The following MAST2 variants were observed in gnomAD, a reference collection of about 807,000 sequenced individuals.
MAST2 encodes the protein microtubule associated serine/threonine kinase 2.
MAST2 carries 70 observed loss-of-function variants against 147.4 expected under a neutral mutation model. That is an observed-to-expected ratio of 0.47 (90% CI 0.39 to 0.58). The LOEUF (loss-of-function observed/expected upper bound fraction) is 0.58, where lower values mean the gene tolerates loss of function less well. MAST2 is among the 20% of genes least tolerant of loss of function. The probability of loss-of-function intolerance (pLI) is 0.00; values close to 1 mark genes in which losing one functional copy is unlikely to be tolerated. For missense variants in MAST2, 2,080 were observed against 2,302.3 expected (o/e 0.90, Z 1.98); for synonymous variants, 869 against 896.8 (o/e 0.97, Z 0.55).
At chr1:45,961,755 C>T (rs149661372) in intron 5 of MAST2, among the ~76,000 whole-genome samples, 58 of 150,932 alleles carry the variant, frequency 3.8e-4, no homozygotes, top group Non-Finnish European at 6.3e-4. Flanking sequence ...TAGATTATAT[C>T]CTCAAATCTT....
In MAST2 at chr1:46,035,898, C is replaced by T. The variant is rs1646886639; in HGVS notation, c.5229C>T (p.Ile1743=). The change falls in exon 29 of 29, where the codon ATC becomes ATT. Residue 1743 remains isoleucine (I), a synonymous_variant. Coordinates refer to ENST00000361297, the MANE Select transcript of MAST2 (RefSeq NM_015112.3). This position sits in a 1 kb window ranked among gnomAD's most constrained non-coding sequence, Gnocchi z 5.5. ...QAVKEDPALS[I]TQVPDASGDR... Reference sequence around the variant, plus strand: ...TGAAAGAGGATCCAGCCCTGAGCATCACCCAAGTGCCTGATGCCTCAGGTG... The same window carrying T: ...TGAAAGAGGATCCAGCCCTGAGCATTACCCAAGTGCCTGATGCCTCAGGTG... 6.2e-7 allele frequency: 1 copy of T among 1,614,082 alleles called. No homozygotes were observed. Among genetic ancestry groups the T allele is most frequent in the East Asian group, 2.2e-5 (1 of 44,880 alleles).
intron 3 of MAST2, among the ~76,000 whole-genome samples, chr1:45,872,566 C>T (rs1646441149): frequency 6.6e-6 from 1 of 151,874 alleles, no homozygotes; most frequent in African/African-American, 2.4e-5. Flanking sequence ...CCGCAACCTC[C>T]ACTTGCTGGG....
chr1:45,961,867 AC>A (rs1330569571), intron 5 of MAST2, among the ~76,000 whole-genome samples: 2 of 152,070 alleles, frequency 1.3e-5, no homozygotes, highest in African/African-American at 4.8e-5. Flanking sequence ...GGTGTGCTGC[AC>A]CCATTAACTC....
intron 5 of MAST2, among the ~76,000 whole-genome samples, chr1:45,995,901 A>ATG (rs1478361425): frequency 1.3e-5 from 2 of 152,256 alleles, no homozygotes; most frequent in East Asian, 3.9e-4. Flanking sequence ...CAGTGAACAT[A>ATG]TGTACCTTTA....
intron 5 of MAST2, 121 bp from the exon 6 acceptor site, chr1:45,997,603 G>C (rs1445256338): frequency 4.1e-6 from 3 of 737,604 alleles, no homozygotes; most frequent in South Asian, 3.2e-5. Flanking sequence ...TAAACTGATA[G>C]TGGCCCTGAG....
In MAST2 at chr1:46,023,330, G is replaced by T; in HGVS notation, c.1571+12G>T. ...AATGGCGCCTATGGGTAAAGGCAGG[G>T]GTCAGGGTGTGGCCAGGACTGAAGC... is the stretch of plus-strand genomic sequence containing the variant. On this transcript the variant is annotated intron_variant, in intron 14 of 28. Transcript: ENST00000361297. The surrounding 1 kb of genome is among the most constrained non-coding windows in gnomAD (Gnocchi z 4.9). 2 of 1,613,102 alleles carry T rather than the reference G, an allele frequency of 1.2e-6. No individual in the cohort carries two copies. The highest frequency in any genetic ancestry group is 1.7e-6 in the Non-Finnish European group (2 of 1,179,278).
At chr1:45,913,270 G>A (rs1399372692) in intron 4 of MAST2, among the ~76,000 whole-genome samples, 1 of 152,182 alleles carries the variant, frequency 6.6e-6, no homozygotes, top group Admixed American at 6.5e-5. Flanking sequence ...AATGAATAAT[G>A]CTGCAGAAAC....
chr1:45,927,116 AAGGGG>A (rs1654498584), intron 4 of MAST2, among the ~76,000 whole-genome samples: 1 of 152,182 alleles, frequency 6.6e-6, no homozygotes, highest in African/African-American at 2.4e-5. Context: ...GGATTTTCAA[AAGGGG>A]AGGGAGTGTG....
intron 4 of MAST2, among the ~76,000 whole-genome samples, chr1:45,908,817 G>T (rs139472735): frequency 6.6e-6 from 1 of 152,162 alleles, no homozygotes; most frequent in Non-Finnish European, 1.5e-5. Context: ...GTCTGCCCTT[G>T]TAAGAAAATT....
At chr1:46,030,353 G>C in intron 21 of MAST2, 115 bp downstream of exon 21, 2 of 1,041,736 alleles carry the variant, frequency 1.9e-6, no homozygotes, top group East Asian at 2.6e-5. Context: ...GCCACCTCTA[G>C]AAAAAGAGGA....
chr1:45,848,341 T>C (rs1645510545), intron 3 of MAST2, among the ~76,000 whole-genome samples: 2 of 152,338 alleles, frequency 1.3e-5, no homozygotes, highest in Admixed American at 1.3e-4. Context: ...GTGCAAACAA[T>C]GTGATTTATG....
chr1:45,845,533 T>C (rs572791332), intron 3 of MAST2, among the ~76,000 whole-genome samples: 5 of 152,328 alleles, frequency 3.3e-5, no homozygotes, highest in African/African-American at 9.6e-5. Context: ...GATACTTGTA[T>C]TTAACAAGTT....
chr1:46,030,861 AG>A, intron 22 of MAST2, 100 bp downstream of exon 22: 1 of 1,474,516 alleles, frequency 6.8e-7, no homozygotes. Context: ...TGCAGGTGGC[AG>A]GGAGGGGGCA....
At chr1:45,809,285 T>C (rs1252540334) in intron 1 of MAST2, among the ~76,000 whole-genome samples, 1 of 152,220 alleles carries the variant, frequency 6.6e-6, no homozygotes, top group African/African-American at 2.4e-5. Context: ...TGAGAAGCTC[T>C]TTATTCTCTG....
chr1:46,032,463 T>C, intron 25 of MAST2, 59 bp downstream of exon 25: 1 of 1,603,874 alleles, frequency 6.2e-7, no homozygotes, highest in South Asian at 1.1e-5. Context: ...CAGCTTCCCC[T>C]TTGTGGAGCC....
chr1:46,032,858 G>A (rs759922556), intron 26 of MAST2, 140 bp downstream of exon 26: 25 of 1,147,604 alleles, frequency 2.2e-5, no homozygotes, highest in Admixed American at 5.2e-5. Flanking sequence ...GGCCGGGCGC[G>A]GTGGCTCATG....
chr1:45,862,858 G>T (rs922292072), intron 3 of MAST2, among the ~76,000 whole-genome samples: 2 of 152,138 alleles, frequency 1.3e-5, no homozygotes, highest in African/African-American at 4.8e-5. Flanking sequence ...GTGACCAAAT[G>T]GCACTTCCAC....
At chr1:45,994,767 A>C (rs1303020656) in intron 5 of MAST2, among the ~76,000 whole-genome samples, 1 of 152,134 alleles carries the variant, frequency 6.6e-6, no homozygotes, top group Non-Finnish European at 1.5e-5. Context: ...TACTAAGGCC[A>C]GTCAAATTCT....
chr1:45,856,470 A>C (rs1049470470), intron 3 of MAST2, among the ~76,000 whole-genome samples: 4 of 152,224 alleles, frequency 2.6e-5, no homozygotes, highest in East Asian at 3.8e-4. Flanking sequence ...ACGCAGTTGC[A>C]CATGTGATTT....
Sources: allele counts gnomAD v4.1 joint callset (sites outside exome capture counted in the v4.1 genomes callset), GRCh38; gene constraint gnomAD v4.1.1; non-coding constraint Gnocchi (gnomAD v3.1); transcripts MANE v1.5; gene names NCBI Gene and HGNC (gene_info 2026-07-23, HGNC 2026-07-21).